Variants in ASIP observed in about 807,000 individuals in gnomAD.
The protein encoded by ASIP is agouti signaling protein.
A neutral mutation model predicts 10.3 loss-of-function variants in ASIP; 11 were observed. That is an observed-to-expected ratio of 1.07 (90% confidence interval 0.68 to 1.78). ASIP has a LOEUF of 1.78. ASIP is among the 40% of genes most tolerant of loss of function. The probability of loss-of-function intolerance (pLI) is 0.00; values close to 1 mark genes in which losing one functional copy is unlikely to be tolerated. For missense variants in ASIP, 180 were observed against 169.2 expected, an observed-to-expected ratio of 1.06 and a Z score of -0.35; for synonymous variants, 70 against 70.8, an observed-to-expected ratio of 0.99 and a Z score of 0.06.
chr20:34,230,722 T>C (rs1316937209), intron 1 of ASIP, among the ~76,000 whole-genome samples: 2 of 37,100 alleles, frequency 5.4e-5, no homozygotes, highest in African/African-American at 2.4e-4. Context: ...GGCGGGGGGC[T>C]GACCCCCCCA....
At chr20:34,234,960 T>G (rs2035160225) in intron 1 of ASIP, 1 of 152,258 alleles carries the variant, frequency 6.6e-6, no homozygotes. Context: ...GTTGTTTTTT[T>G]CATCATAGCT....
the ASIP span, among the ~76,000 whole-genome samples, chr20:34,189,526 G>T: frequency 1.3e-5 from 2 of 151,960 alleles, no homozygotes; most frequent in Admixed American, 6.6e-5. Flanking sequence ...ACAGGCATGA[G>T]CCACCACACC....
rs1362114753 is a variant in ASIP, at chr20:34,215,304, A to G, written c.-11+20544A>G. On this transcript the variant is annotated intron_variant, in intron 1 of 3. Coordinates refer to the ASIP transcript ENST00000568305. ...ACTGACACATCACTTCAGAATTAGT[A>G]TACTGATAATTTTGTGATATTTGGT... 9.0e-6 allele frequency: 14 copies of G among 1,548,952 alleles called. No individual in the cohort carries two copies. In the East Asian group the frequency reaches 2.5e-4, roughly 27 times the overall value.
chr20:34,223,527 T>C (rs1318979687), intron 1 of ASIP, among the ~76,000 whole-genome samples: 1 of 117,768 alleles, frequency 8.5e-6, no homozygotes, highest in Non-Finnish European at 1.5e-5. Flanking sequence ...CGGCCAGCCG[T>C]GCCATCCGGG....
intron 3 of ASIP, among the ~76,000 whole-genome samples, chr20:34,266,817 A>G (rs968261107): frequency 6.6e-6 from 1 of 152,256 alleles, no homozygotes; most frequent in Non-Finnish European, 1.5e-5. Flanking sequence ...AGGATCATTT[A>G]ACATTCACGT....
rs528013388 is a variant in ASIP, at chr20:34,252,922, C to T, written c.-10-7443C>T. Among the ~76,000 whole-genome samples, 4 of 152,324 alleles carry T rather than the reference C, an allele frequency of 2.6e-5. No homozygotes were observed. In the South Asian group the frequency reaches 8.3e-4, roughly 32 times the overall value. On this transcript the variant is annotated intron_variant, in intron 1 of 3. Transcript: ENST00000374954. ...ACATGTTAACAAGGCACATCCTGCA[C>T]AGCCCTAAATCCATTAAACTTTGAT...
chr20:34,196,677 C>T (rs941811265), intron 1 of ASIP, among the ~76,000 whole-genome samples: 4 of 152,150 alleles, frequency 2.6e-5, no homozygotes, highest in African/African-American at 9.7e-5. Context: ...AACTATAAAG[C>T]TAGAGTCTGT....
chr20:34,189,464 A>ACTCCCAAC, the ASIP span, among the ~76,000 whole-genome samples: 1 of 150,898 alleles, frequency 6.6e-6, no homozygotes, highest in Admixed American at 6.6e-5. Context: ...CTGGTCTCAA[A>ACTCCCAAC]CTCCCAACCT....
At chr20:34,225,617 T>C (rs1334243429) in intron 1 of ASIP, among the ~76,000 whole-genome samples, 1 of 152,152 alleles carries the variant, frequency 6.6e-6, no homozygotes, top group Non-Finnish European at 1.5e-5. Flanking sequence ...TATGTACTAA[T>C]CTGGAGAAGT....
chr20:34,207,548 A>G (rs185332075), intron 1 of ASIP, among the ~76,000 whole-genome samples: 1 of 151,842 alleles, frequency 6.6e-6, no homozygotes, highest in East Asian at 1.9e-4. Flanking sequence ...GCATTTGTCC[A>G]TTTTTGCTTT....
chr20:34,235,790 A>AC (rs1195733661), intron 1 of ASIP, among the ~76,000 whole-genome samples: 3 of 36,824 alleles, frequency 8.1e-5, no homozygotes, highest in Non-Finnish European at 1.3e-4. Flanking sequence ...GAGAAAGAAG[A>AC]AAGAAAGAAA....
At chr20:34,236,024 A>G (rs1469132164) in intron 1 of ASIP, among the ~76,000 whole-genome samples, 5 of 146,642 alleles carry the variant, frequency 3.4e-5, no homozygotes, top group African/African-American at 5.1e-5. Context: ...GAGAGAGAGA[A>G]GAAGAAAGAG....
chr20:34,251,036 TC>T (rs1479305680), intron 1 of ASIP, among the ~76,000 whole-genome samples: 10 of 152,048 alleles, frequency 6.6e-5, no homozygotes, highest in African/African-American at 2.2e-4. Context: ...TCAACAAGAC[TC>T]CTGGGTTACA....
intron 1 of ASIP, among the ~76,000 whole-genome samples, chr20:34,233,828 G>A (rs761845419): frequency 6.6e-6 from 1 of 152,154 alleles, no homozygotes; most frequent in African/African-American, 2.4e-5. Flanking sequence ...ACCATTACCT[G>A]AGAAAAAGTC....
At chr20:34,235,861 G>GA (rs1335115482) in intron 1 of ASIP, among the ~76,000 whole-genome samples, 1 of 34,006 alleles carries the variant, frequency 2.9e-5, no homozygotes, top group African/African-American at 4.1e-4. Flanking sequence ...AGGAAGGAAG[G>GA]AAGGAAAGGA....
At position 34,269,055 on chromosome 20, in the gene ASIP, C is replaced by G. The variant is rs576337181; in HGVS notation, c.287C>G (p.Thr96Ser). 6.2e-7 allele frequency: 1 copy of G among 1,600,786 alleles called. No homozygotes were observed. The highest frequency in any genetic ancestry group is 1.3e-5 in the African/African-American group (1 of 74,746). ...CCCCTATCTGCGCCCTGCGTGGCCA[C>G]CCGCAACAGCTGCAAGCCGCCGGCA... ...RTPLSAPCVA[T>S]RNSCKPPAPA... Residue 96 changes from threonine (T) to serine (S), a missense_variant, in exon 4 of 4, where the codon ACC becomes AGC. Coordinates refer to ENST00000374954, the MANE Select transcript of ASIP (RefSeq NM_001672.3).
intron 3 of ASIP, among the ~76,000 whole-genome samples, chr20:34,265,973 G>C (rs920874417): frequency 7.2e-5 from 11 of 151,960 alleles, no homozygotes; most frequent in African/African-American, 2.2e-4. Flanking sequence ...CGGAGGGGGG[G>C]AAGTTAAAAC....
chr20:34,234,502 C>CTCCTTCCT (rs145098261), intron 1 of ASIP, among the ~76,000 whole-genome samples: 1 of 151,088 alleles, frequency 6.6e-6, no homozygotes, highest in Non-Finnish European at 1.5e-5. Flanking sequence ...CTTTTCTTTT[C>CTCCTTCCT]TCCTTCCTTC....
intron 1 of ASIP, among the ~76,000 whole-genome samples, chr20:34,196,551 T>C (rs1480090338): frequency 6.6e-6 from 1 of 152,060 alleles, no homozygotes; most frequent in African/African-American, 2.4e-5. Context: ...GACGTCATCT[T>C]TGAAATAAAA....
Sources: gnomAD v4.1 joint callset for allele counts (sites outside exome capture counted in the v4.1 genomes callset) on GRCh38, gnomAD v4.1.1 for gene constraint, MANE v1.5 for transcripts, NCBI Gene and HGNC (gene_info 2026-07-23, HGNC 2026-07-21) for gene names.